PKP3: variants seen among roughly 807,000 people sequenced by gnomAD.
PKP3 encodes plakophilin 3, also known as plakophilin-3.
Under a neutral mutation model 76.5 loss-of-function variants are expected in PKP3, and 66 were observed. That is an observed-to-expected ratio of 0.86 (90% CI 0.71 to 1.06). The LOEUF is 1.06. PKP3 is among the 50% of genes least tolerant of loss of function. The pLI is 0.00. For missense variants in PKP3, 1,338 were observed against 1,141.0 expected (o/e 1.17, Z -2.49); for synonymous variants, 638 against 516.5 (o/e 1.24, Z -3.19).
In PKP3 at chr11:400,039, C is replaced by T; in HGVS notation, c.1346C>T (p.Thr449Ile). Reference protein sequence around the residue: ...RLARDTLEQLTDLVLSPLSGA... With the variant: ...RLARDTLEQLIDLVLSPLSGA... ...GCCAGAGACACGCTGGAGCAGCTCA[C>T]AGACCTGGTGTTGAGCCCCCTGTCG... Residue 449 changes from threonine to isoleucine, a missense_variant, in exon 6 of 13, where the codon ACA (threonine) becomes ATA (isoleucine). Coordinates refer to ENST00000331563, the MANE Select transcript of PKP3 (RefSeq NM_007183.4). 2 of 1,607,952 alleles carry T rather than the reference C, an allele frequency of 1.2e-6. No individual in the cohort carries two copies. The highest frequency in any genetic ancestry group is 1.3e-5 in the African/African-American group (1 of 74,932).
rs745450593 is a variant in PKP3, at chr11:400,637, G to C, written c.1669G>C (p.Asp557His). The C allele has an allele frequency of 1.5e-5, 21 of 1,385,068 alleles. No individual in the cohort carries two copies. The highest frequency in any genetic ancestry group is 3.1e-5 in the African/African-American group (2 of 65,024). The allele number at this position is 1,385,068 out of a possible 1,614,324, so 85.8% of individuals were successfully genotyped here. ...GCGGCTGGAGGGTCGCGGCCGCAGG[G>C]ACCTGGCGGGGGCGCCGCCGGGAGA... ...LQRLEGRGRR[D>H]LAGAPPGEVV... Residue 557 changes from aspartate to histidine, a missense_variant, in exon 8 of 13, where the codon GAC (aspartate) becomes CAC (histidine). Asp to His is a moderately conservative substitution (Grantham distance 81). Transcript: ENST00000331563.
chr11:404,249 A>G lies in PKP3; in HGVS notation c.2284A>G (p.Lys762Glu). ...KKKRDSPDSE[K>E]SSRAASSLLA... is the part of the protein sequence containing the mutation. ...CTCCACCCTCAGCCCCGACAGTGAGAAGTCCTCCCGGGCAGCATCCAGCCT... is the reference window on the plus strand; with the variant it reads ...CTCCACCCTCAGCCCCGACAGTGAGGAGTCCTCCCGGGCAGCATCCAGCCT... Residue 762 changes from lysine to glutamate, a missense_variant, in exon 12 of 13, where the codon AAG (lysine) becomes GAG (glutamate). Lys to Glu is a moderately conservative substitution (Grantham distance 56). Coordinates refer to ENST00000331563, the MANE Select transcript of PKP3 (RefSeq NM_007183.4). The surrounding 1 kb of genome is among the most constrained non-coding windows in gnomAD (Gnocchi z 4.2). 6.2e-7 allele frequency: 1 copy of G among 1,612,592 alleles called. No homozygotes were observed. The highest frequency in any genetic ancestry group is 8.5e-7 in the Non-Finnish European group (1 of 1,179,826).
intron 2 of PKP3, 31 bp from the exon 3 acceptor site, chr11:396,783 C>T: frequency 6.4e-7 from 1 of 1,566,762 alleles, no homozygotes; most frequent in Non-Finnish European, 8.6e-7. Context: ...TGAGCCCAGG[C>T]ACGCCCTCAC....
At position 397,524 on chromosome 11, in the gene PKP3, C is replaced by A; in HGVS notation, c.945-15C>A. ...AACCCAAAGTTAGCCTGACCCCTGA[C>A]CCCTGGCTCCGCAGTTTTGATGACA... On this transcript the variant is annotated splice_polypyrimidine_tract_variant and intron_variant, in intron 3 of 12. Coordinates refer to ENST00000331563, the MANE Select transcript of PKP3 (RefSeq NM_007183.4). 1.2e-6 allele frequency: 2 copies of A among 1,612,220 alleles called. No homozygotes were observed. The highest frequency in any genetic ancestry group is 1.7e-6 in the Non-Finnish European group (2 of 1,179,594).
chr11:400,628 G>C lies in PKP3; in HGVS notation c.1660G>C (p.Gly554Arg), dbSNP rs999947330. The C allele has an allele frequency of 5.0e-6, 7 of 1,410,136 alleles. No homozygotes were observed. The highest frequency in any genetic ancestry group is 3.0e-5 in the African/African-American group (2 of 65,700). The allele number at this position is 1,410,136 out of a possible 1,614,324, so 87.4% of individuals were successfully genotyped here. A position where few individuals can be genotyped will look rare whatever the true frequency, so the allele number is the denominator to read the frequency against. The change falls in exon 8 of 13, where the codon GGC (glycine) becomes CGC (arginine). Residue 554 changes from glycine (G) to arginine (R), a missense_variant. Transcript: ENST00000331563. ...PSALQRLEGR[G>R]RRDLAGAPPG... ...CGCGCTGCAGCGGCTGGAGGGTCGCGGCCGCAGGGACCTGGCGGGGGCGCC... is the reference window on the plus strand; with the variant it reads ...CGCGCTGCAGCGGCTGGAGGGTCGCCGCCGCAGGGACCTGGCGGGGGCGCC...
Position 400,367 on chromosome 11 carries a change from G to A in PKP3, c.1482G>A (p.Gln494=), listed in dbSNP as rs902589058. 3 of 1,549,624 alleles carry A rather than the reference G, an allele frequency of 1.9e-6. No homozygotes were observed. The highest frequency in any genetic ancestry group is 3.9e-5 in the Admixed American group (2 of 51,060). ...GCTCAGCCTCTCAGGCCACTCGCCA[G>A]AAGATGCGGGAGTGCCACGGGCTGG... ...NLSSASQATR[Q]KMRECHGLVD... Residue 494 remains glutamine, a synonymous_variant, in exon 7 of 13, where the codon CAG becomes CAA. Transcript: ENST00000331563.
Position 397,020 on chromosome 11 carries a change from G to T in PKP3, c.519G>T (p.Arg173=), listed in dbSNP as rs962914505. 1 of 1,599,712 alleles carries T rather than the reference G, an allele frequency of 6.3e-7. No homozygotes were observed. The highest frequency in any genetic ancestry group is 8.5e-7 in the Non-Finnish European group (1 of 1,179,586). ...SFHERGGVGS[R]ADYDTLSLRS... is the part of the protein sequence containing the mutation. ...ATGAGCGCGGTGGGGTTGGGAGCCG[G>T]GCCGACTATGACACACTCTCCCTGC... The change falls in exon 3 of 13, where the codon CGG becomes CGT. Residue 173 remains arginine (R), a synonymous_variant. Transcript: ENST00000331563.
In PKP3 at chr11:400,555, C is replaced by G; in HGVS notation, c.1587C>G (p.Cys529Trp). 6.7e-7 allele frequency: 1 copy of G among 1,495,094 alleles called. No individual in the cohort carries two copies. The highest frequency in any genetic ancestry group is 8.9e-7 in the Non-Finnish European group (1 of 1,129,510). The allele number at this position is 1,495,094 out of a possible 1,614,324, so 92.6% of individuals were successfully genotyped here. ...CEDKSVENAV[C>W]VLRNLSYRLY... ...CGCAGAGCGTGGAGAACGCGGTGTG[C>G]GTCCTGCGGAACCTGTCCTACCGCC... Residue 529 changes from cysteine to tryptophan, a missense_variant, in exon 8 of 13, where the codon TGC becomes TGG. Physicochemically the swap from Cys to Trp is radical, Grantham distance 215. Transcript: ENST00000331563.
In PKP3 at chr11:397,227, C is replaced by A. The variant is rs749658582; in HGVS notation, c.726C>A (p.Thr242=). The stretch of plus-strand genomic sequence containing the variant: ...CCACTGAGGTTTCCCCGAGCCGGAC[C>A]ATCCGTGCCCCTGCCGTGCGGACCC... ...PEATEVSPSR[T]IRAPAVRTLQ... Residue 242 remains threonine, a synonymous_variant, in exon 3 of 13, where the codon ACC becomes ACA. Coordinates refer to ENST00000331563, the MANE Select transcript of PKP3 (RefSeq NM_007183.4). 3.1e-6 allele frequency: 5 copies of A among 1,599,470 alleles called. No homozygotes were observed. The highest frequency in any genetic ancestry group is 2.2e-5 in the East Asian group (1 of 44,828).
intron 9 of PKP3, 34 bp downstream of exon 9, chr11:403,297 AG>A: frequency 6.8e-7 from 1 of 1,463,610 alleles, no homozygotes; most frequent in Non-Finnish European, 9.2e-7. Context: ...AGGGGGTCCC[AG>A]GGGTTCATGC....
In PKP3 at chr11:397,315, C is replaced by CTGG; in HGVS notation, c.815_817dup (p.Leu272_Glu273insVal). 2 of 1,591,740 alleles carry CTGG rather than the reference C, an allele frequency of 1.3e-6. No homozygotes were observed. The highest frequency in any genetic ancestry group is 4.6e-5 in the East Asian group (2 of 43,698). ...AGGCGGGGCAGTGCCGGGGGCCGTC[C>CTGG]TGGAGCCAGTGGCTCGAGCGCCATC... On this transcript the variant is annotated inframe_insertion, in exon 3 of 13. Transcript: ENST00000331563.
In PKP3 at chr11:403,777, T is replaced by C; in HGVS notation, c.2077+6T>C. 1 of 1,604,746 alleles carries C rather than the reference T, an allele frequency of 6.2e-7. No individual in the cohort carries two copies. The highest frequency in any genetic ancestry group is 2.2e-5 in the East Asian group (1 of 44,842). On this transcript the variant is annotated splice_donor_region_variant and intron_variant, in intron 10 of 12. Transcript: ENST00000331563. ...TAGGAACAAGGACGAGATGTGTGAG[T>C]CGGGCAGCCCCTCGTCCCTGCCCTG...
intron 1 of PKP3, among the ~76,000 whole-genome samples, chr11:395,298 C>T (rs1336565981): frequency 6.6e-6 from 1 of 152,212 alleles, no homozygotes. Flanking sequence ...ATGCCAGGGA[C>T]CCAGATGCCA....
chr11:398,546 G>A (rs1205501060), intron 4 of PKP3, among the ~76,000 whole-genome samples: 10 of 11,724 alleles, frequency 8.5e-4, no homozygotes, highest in African/African-American at 4.5e-3. Context: ...ACACACCTGC[G>A]TCACCTCCGT....
rs1347391918 is a variant in PKP3 at position 396,930 on chromosome 11, T to A, written c.429T>A (p.Phe143Leu). ...LSSAHNGGSA[F>L]GAAGYGGAQP... ...CAGCCCACAACGGGGGCAGCGCCTT[T>A]GGGGCCGCTGGGTACGGGGGTGCCC... The change falls in exon 3 of 13, where the codon TTT becomes TTA. Residue 143 changes from phenylalanine (F) to leucine (L), a missense_variant. Phe to Leu is a conservative substitution (Grantham distance 22). Transcript: ENST00000331563. 1 of 1,595,308 alleles carries A rather than the reference T, an allele frequency of 6.3e-7. No homozygotes were observed. Among genetic ancestry groups the A allele is most frequent in the African/African-American group, 1.3e-5 (1 of 74,676 alleles).
At position 397,330 on chromosome 11, in the gene PKP3, C is replaced by A. The variant is rs755412958; in HGVS notation, c.829C>A (p.Arg277=). The A allele has an allele frequency of 1.3e-6, 2 of 1,580,292 alleles. No individual in the cohort carries two copies. The highest frequency in any genetic ancestry group is 2.3e-5 in the South Asian group (2 of 88,544). The change falls in exon 3 of 13, where the codon CGA becomes AGA. Residue 277 remains arginine, a synonymous_variant. Coordinates refer to ENST00000331563, the MANE Select transcript of PKP3 (RefSeq NM_007183.4). The stretch of plus-strand genomic sequence containing the variant: ...GGGGGCCGTCCTGGAGCCAGTGGCT[C>A]GAGCGCCATCTGTGCGCAGCCTCAG... ...VPGAVLEPVA[R]APSVRSLSLS...
rs1396567926 is a variant in PKP3, at chr11:397,240, G to C, written c.739G>C (p.Ala247Pro). Residue 247 changes from alanine to proline, a missense_variant, in exon 3 of 13, where the codon GCC (alanine) becomes CCC (proline). Transcript: ENST00000331563. ...VSPSRTIRAP[A>P]VRTLQRFQSS... ...CCCGAGCCGGACCATCCGTGCCCCTGCCGTGCGGACCCTGCAGCGATTCCA... is the reference window on the plus strand; with the variant it reads ...CCCGAGCCGGACCATCCGTGCCCCTCCCGTGCGGACCCTGCAGCGATTCCA... 1 of 1,599,774 alleles carries C rather than the reference G, an allele frequency of 6.3e-7. No homozygotes were observed. Among genetic ancestry groups the C allele is most frequent in the Admixed American group, 1.7e-5 (1 of 59,794 alleles).
rs1282953119 is a variant in PKP3, at chr11:399,993, G to C, written c.1300G>C (p.Asp434His). The C allele has an allele frequency of 6.2e-7, 1 of 1,605,858 alleles. No homozygotes were observed. Among genetic ancestry groups the C allele is most frequent in the Non-Finnish European group, 8.5e-7 (1 of 1,177,728 alleles). The change falls in exon 6 of 13, where the codon GAC becomes CAC. Residue 434 changes from aspartate (D) to histidine (H), a missense_variant. Coordinates refer to ENST00000331563, the MANE Select transcript of PKP3 (RefSeq NM_007183.4). ...GATCCTGTGGAACCTTTCATCCAGC[G>C]ACCACCTGAAGGACCGCCTGGCCAG... ...TGILWNLSSS[D>H]HLKDRLARDT...
Position 397,339 on chromosome 11 carries a change from T to G in PKP3, c.838T>G (p.Ser280Ala), listed in dbSNP as rs1216667514. Residue 280 changes from serine (S) to alanine (A), a missense_variant, in exon 3 of 13, where the codon TCT (serine) becomes GCT (alanine). Physicochemically the swap from Ser to Ala is moderately conservative, Grantham distance 99. Coordinates refer to ENST00000331563, the MANE Select transcript of PKP3 (RefSeq NM_007183.4). ...CCTGGAGCCAGTGGCTCGAGCGCCA[T>G]CTGTGCGCAGCCTCAGCCTCAGCCT... ...AVLEPVARAPSVRSLSLSLAD... is the reference protein window; with the variant it reads ...AVLEPVARAPAVRSLSLSLAD... 1 of 1,583,492 alleles carries G rather than the reference T, an allele frequency of 6.3e-7. No individual in the cohort carries two copies. The highest frequency in any genetic ancestry group is 1.1e-5 in the South Asian group (1 of 88,674).
Sources: allele counts gnomAD v4.1 joint callset (sites outside exome capture counted in the v4.1 genomes callset), GRCh38; gene constraint gnomAD v4.1.1; non-coding constraint Gnocchi (gnomAD v3.1); transcripts MANE v1.5; gene names NCBI Gene and HGNC (gene_info 2026-07-23, HGNC 2026-07-21).